Variants in PGR observed in about 807,000 individuals in gnomAD.
PGR encodes nuclear receptor subfamily 3 group C member 3.
In PGR, 25 loss-of-function variants were observed where a neutral mutation model predicts 76.1. The ratio of observed to expected loss-of-function variants is 0.33; its 90% CI spans 0.24 to 0.46. The LOEUF (loss-of-function observed/expected upper bound fraction) is 0.46. Ranked by LOEUF, PGR falls within the 20% of genes least tolerant of loss-of-function variation. The pLI is 1.00. For missense variants in PGR, 1,172 were observed against 1,225.3 expected (o/e 0.96, Z 0.65); for synonymous variants, 579 against 535.0 (o/e 1.08, Z -1.14).
rs1007064982 is a variant in PGR, at chr11:101,036,812, TATG to T, written c.*2301_*2303del. 3.7e-5 allele frequency: 7 copies of T among 191,338 alleles called. No homozygotes were observed. Among genetic ancestry groups the T allele is most frequent in the Non-Finnish European group, 7.7e-5 (7 of 91,286 alleles). 11.9% of individuals were successfully genotyped at this position (191,338 alleles called of 1,614,324 possible). ...TGAAATTAGAAAATTTTAAAGTTAT[TATG>T]GAAATTAAATATATGCTGGTGGAAA... On this transcript the variant is annotated 3_prime_UTR_variant, in exon 8 of 8. Transcript: ENST00000325455.
chr11:101,086,825 C>T (rs1254435144), intron 3 of PGR, among the ~76,000 whole-genome samples: 1 of 151,924 alleles, frequency 6.6e-6, no homozygotes, highest in Non-Finnish European at 1.5e-5. Flanking sequence ...GAAAGTAATC[C>T]CATTTAAAAT....
intron 3 of PGR, chr11:101,062,991 A>ATCACTGGG (rs1343037715): frequency 2.6e-6 from 1 of 390,778 alleles, no homozygotes; most frequent in Non-Finnish European, 4.7e-6. Flanking sequence ...TACATCAACA[A>ATCACTGGG]TCACTGGGTG....
At chr11:101,098,742 A>G (rs1345630458) in intron 2 of PGR, among the ~76,000 whole-genome samples, 3 of 152,218 alleles carry the variant, frequency 2.0e-5, no homozygotes, top group African/African-American at 7.2e-5. Flanking sequence ...AGGATGGGAT[A>G]TATTACTTCA....
intron 3 of PGR, among the ~76,000 whole-genome samples, chr11:101,082,694 A>C (rs1861351829): frequency 6.6e-6 from 1 of 152,174 alleles, no homozygotes; most frequent in South Asian, 2.1e-4. Flanking sequence ...TGGTGGAAAA[A>C]ATTTCTAAGC....
chr11:101,054,386 C>G (rs112418354), intron 4 of PGR, among the ~76,000 whole-genome samples: 3 of 151,982 alleles, frequency 2.0e-5, no homozygotes, highest in African/African-American at 7.3e-5. Flanking sequence ...ATGACTTGAA[C>G]GTGTCTTCAA....
intron 2 of PGR, among the ~76,000 whole-genome samples, chr11:101,115,614 C>T (rs1016202375): frequency 2.0e-5 from 3 of 151,896 alleles, no homozygotes; most frequent in African/African-American, 7.3e-5. Context: ...TCTACTAAAA[C>T]TACAAAAATT....
At chr11:101,072,822 G>T (rs1477072448) in intron 3 of PGR, among the ~76,000 whole-genome samples, 2 of 152,144 alleles carry the variant, frequency 1.3e-5, no homozygotes, top group Non-Finnish European at 1.5e-5. Context: ...GATTCATAAA[G>T]CAAGTTCTTA....
At chr11:101,066,978 G>T (rs1053044521) in intron 3 of PGR, among the ~76,000 whole-genome samples, 1 of 152,036 alleles carries the variant, frequency 6.6e-6, no homozygotes, top group Non-Finnish European at 1.5e-5. Flanking sequence ...TGTCATTCTT[G>T]CTTGATATTT....
At chr11:101,113,491 C>T (rs1048236918) in intron 2 of PGR, among the ~76,000 whole-genome samples, 25 of 151,764 alleles carry the variant, frequency 1.6e-4, no homozygotes, top group African/African-American at 4.6e-4. Context: ...AGGATGGTCA[C>T]GATCTCCTGA....
chr11:101,089,738 G>A (rs35931819), intron 3 of PGR, among the ~76,000 whole-genome samples: 94 of 152,216 alleles, frequency 6.2e-4, no homozygotes, highest in Admixed American at 1.5e-3. Context: ...GGACGGAAAG[G>A]AGGGAGAGAT....
intron 3 of PGR, among the ~76,000 whole-genome samples, chr11:101,068,825 C>T (rs187751086): frequency 6.6e-6 from 1 of 151,978 alleles, no homozygotes; most frequent in East Asian, 1.9e-4. Flanking sequence ...ATGCAGAAAA[C>T]TGAAAGTGGA....
chr11:101,035,777 C>A lies in PGR; in HGVS notation c.*3339G>T. On this transcript the variant is annotated 3_prime_UTR_variant, in exon 8 of 8. Transcript: ENST00000325455. ...GAAGAAATTACTTGAATACTTCCAG[C>A]CCTAATTTCAAATGAATTCAACCAA... 1 of 231,306 alleles carries A rather than the reference C, an allele frequency of 4.3e-6. No homozygotes were observed. The highest frequency in any genetic ancestry group is 8.6e-6 in the Non-Finnish European group (1 of 116,952). 14.3% of individuals were successfully genotyped at this position (231,306 alleles called of 1,614,324 possible). A position where few individuals can be genotyped will look rare whatever the true frequency, so the allele number is the denominator to read the frequency against.
chr11:101,102,683 C>T (rs1450967051), intron 2 of PGR, among the ~76,000 whole-genome samples: 1 of 152,022 alleles, frequency 6.6e-6, no homozygotes, highest in African/African-American at 2.4e-5. Context: ...GAAGGAAAAT[C>T]TTATTGAGTA....
chr11:101,081,632 C>G (rs1192542658), intron 3 of PGR, among the ~76,000 whole-genome samples: 1 of 152,056 alleles, frequency 6.6e-6, no homozygotes. Flanking sequence ...AAATTTCAAC[C>G]AAGAATTTCA....
At chr11:101,062,835 G>A in intron 3 of PGR, 83 bp from the exon 4 acceptor site, 2 of 907,358 alleles carry the variant, frequency 2.2e-6, no homozygotes, top group Non-Finnish European at 3.4e-6. Flanking sequence ...CTAAGTCTTA[G>A]AATCATAGCA....
chr11:101,109,991 G>C (rs1862294049), intron 2 of PGR, among the ~76,000 whole-genome samples: 1 of 152,076 alleles, frequency 6.6e-6, no homozygotes, highest in Non-Finnish European at 1.5e-5. Context: ...TCTAGAAATG[G>C]AACAACAAAG....
chr11:101,122,447 A>T (rs2135504345), intron 2 of PGR, among the ~76,000 whole-genome samples: 1 of 152,284 alleles, frequency 6.6e-6, no homozygotes, highest in Non-Finnish European at 1.5e-5. Context: ...AGCCATTGAG[A>T]AATAGTCCTT....
At chr11:101,086,838 CCA>C (rs745511101) in intron 3 of PGR, among the ~76,000 whole-genome samples, 1 of 151,462 alleles carries the variant, frequency 6.6e-6, no homozygotes, top group Admixed American at 6.6e-5. Flanking sequence ...TTTAAAATAG[CCA>C]CACACACACA....
intron 3 of PGR, among the ~76,000 whole-genome samples, chr11:101,069,749 C>A (rs1471524225): frequency 6.6e-6 from 1 of 152,022 alleles, no homozygotes; most frequent in African/African-American, 2.4e-5. Flanking sequence ...AGTAAATTAA[C>A]ACAAGAACAG....
Sources: gnomAD v4.1 joint callset for allele counts (sites outside exome capture counted in the v4.1 genomes callset) on GRCh38, gnomAD v4.1.1 for gene constraint, MANE v1.5 for transcripts, NCBI Gene and HGNC (gene_info 2026-07-23, HGNC 2026-07-21) for gene names.